Variants in ENO2 observed in about 807,000 individuals in gnomAD.
The protein encoded by ENO2 is enolase 2.
A neutral mutation model predicts 48.7 loss-of-function variants in ENO2; 19 were observed. That is an observed-to-expected ratio of 0.39 (90% CI 0.27 to 0.57). ENO2 has a LOEUF of 0.57. ENO2 is among the 20% of genes least tolerant of loss of function. The pLI is 0.58. For synonymous variants in ENO2, 198 were observed against 213.4 expected (o/e 0.93, Z 0.63); for missense variants, 416 against 555.0 (o/e 0.75, Z 2.52).
chr12:6,921,783 G>A lies in ENO2; in HGVS notation c.1067+1G>A, dbSNP rs955399622. 10 of 1,613,938 alleles carry A rather than the reference G, an allele frequency of 6.2e-6. No homozygotes were observed. Among genetic ancestry groups the A allele is most frequent in the Admixed American group, 1.7e-5 (1 of 59,992 alleles). On this transcript the variant is annotated splice_donor_variant, in intron 9 of 11. Transcript: ENST00000229277. LOFTEE classifies it high-confidence loss of function. ...GCTCGGTCACTGAAGCCATCCAAGC[G>A]TGAGTGACTTCTGGCCCTCTCCTGT...
intron 2 of ENO2, 69 bp downstream of exon 2, chr12:6,915,986 G>T: frequency 6.4e-7 from 1 of 1,555,812 alleles, no homozygotes; most frequent in Non-Finnish European, 8.9e-7. Context: ...TCGGCCAGGG[G>T]TTCGGAGGCC....
rs1555141607 is a variant in ENO2 at position 6,916,445 on chromosome 12, A to G, written c.114A>G (p.Gly38=). ...KGLFRAAVPS[G]ASTGIYEALE... is the part of the protein sequence containing the mutation. ...TTTTCCGGGCTGCAGTGCCCAGTGGAGCCTCTACGGGCATCTATGAGGCCC... is the reference window on the plus strand; with the variant it reads ...TTTTCCGGGCTGCAGTGCCCAGTGGGGCCTCTACGGGCATCTATGAGGCCC... Residue 38 remains glycine, a synonymous_variant, in exon 3 of 12, where the codon GGA becomes GGG. Coordinates refer to ENST00000229277, the MANE Select transcript of ENO2 (RefSeq NM_001975.3). The surrounding 1 kb of genome is among the most constrained non-coding windows in gnomAD (Gnocchi z 4.5). The G allele has an allele frequency of 1.9e-6, 3 of 1,613,752 alleles. No individual in the cohort carries two copies. Among genetic ancestry groups the G allele is most frequent in the Admixed American group, 1.7e-5 (1 of 59,958 alleles).
rs782566573 is a variant in ENO2 at position 6,919,802 on chromosome 12, G to A, written c.865+39G>A. The A allele has an allele frequency of 6.2e-6, 10 of 1,604,512 alleles. No individual in the cohort carries two copies. The African/African-American group carries it at 9.4e-5, about 15-fold the overall frequency. ...GTGTGAGGGGGAGGTCTGGGGGCAG[G>A]CAGGGACGTGTCCCAGCAACTCTGG... On this transcript the variant is annotated intron_variant, in intron 8 of 11. Transcript: ENST00000229277.
chr12:6,921,744 G>A lies in ENO2; in HGVS notation c.1029G>A (p.Lys343=). Reference sequence around the variant, plus strand: ...AGGCCTGCAACTGTCTGCTGCTCAAGGTCAACCAGATCGGCTCGGTCACTG... The same window carrying A: ...AGGCCTGCAACTGTCTGCTGCTCAAAGTCAACCAGATCGGCTCGGTCACTG... ...EEKACNCLLL[K]VNQIGSVTEA... is the part of the protein sequence containing the mutation. Residue 343 remains lysine, a synonymous_variant, in exon 9 of 12, where the codon AAG becomes AAA. Coordinates refer to ENST00000229277, the MANE Select transcript of ENO2 (RefSeq NM_001975.3). 3 of 1,614,178 alleles carry A rather than the reference G, an allele frequency of 1.9e-6. No individual in the cohort carries two copies. Among genetic ancestry groups the A allele is most frequent in the Middle Eastern group, 1.6e-4 (1 of 6,062 alleles).
chr12:6,916,330 A>T lies in ENO2; in HGVS notation c.86-87A>T. ...GTGTGGGGAGAGAGCTAGATGTGGT[A>T]GGCAGGCAGTTTAGAGCCAGAAGGC... On this transcript the variant is annotated intron_variant, in intron 2 of 11. Transcript: ENST00000229277. This position sits in a 1 kb window ranked among gnomAD's most constrained non-coding sequence, Gnocchi z 4.5. 2 of 1,234,832 alleles carry T rather than the reference A, an allele frequency of 1.6e-6. No homozygotes were observed. The highest frequency in any genetic ancestry group is 2.3e-6 in the Non-Finnish European group (2 of 878,778). The allele number at this position is 1,234,832 out of a possible 1,614,324, so 76.5% of individuals were successfully genotyped here.
chr12:6,921,947 C>T, intron 9 of ENO2, 109 bp from the exon 10 acceptor site: 2 of 1,530,734 alleles, frequency 1.3e-6, no homozygotes, highest in Admixed American at 1.7e-5. Context: ...TCTCTGCTCC[C>T]CTCCCAGATA....
At chr12:6,921,415 C>A in intron 8 of ENO2, 166 bp from the exon 9 acceptor site, 2 of 634,416 alleles carry the variant, frequency 3.2e-6, no homozygotes, top group South Asian at 2.0e-5. Flanking sequence ...AGTTAAGAAT[C>A]AGTTAGGGCA....
intron 6 of ENO2, 97 bp from the exon 7 acceptor site, chr12:6,917,843 T>G (rs1945305864): frequency 6.5e-7 from 1 of 1,547,448 alleles, no homozygotes; most frequent in Non-Finnish European, 8.8e-7. Context: ...TGAGACTTAG[T>G]CCGGAAAGCT....
intron 7 of ENO2, 26 bp from the exon 8 acceptor site, chr12:6,919,540 A>G: frequency 2.5e-6 from 4 of 1,613,304 alleles, no homozygotes; most frequent in African/African-American, 1.3e-5. Context: ...TGCTTGTACT[A>G]TAATCTCACT....
chr12:6,915,942 C>G, intron 2 of ENO2, 25 bp downstream of exon 2: 2 of 1,612,890 alleles, frequency 1.2e-6, no homozygotes, highest in Non-Finnish European at 1.7e-6. Context: ...ATGGGCCTTC[C>G]TACAGCCCTA....
At chr12:6,921,814 C>G in intron 9 of ENO2, 32 bp downstream of exon 9, 1 of 1,610,754 alleles carries the variant, frequency 6.2e-7, no homozygotes, top group South Asian at 1.1e-5. Context: ...CCTGTGTGGT[C>G]CTCGTTTCTA....
chr12:6,917,838 C>A, intron 6 of ENO2, 102 bp from the exon 7 acceptor site: 1 of 1,572,916 alleles, frequency 6.4e-7, no homozygotes, highest in South Asian at 1.1e-5. Flanking sequence ...GGACGTGAGA[C>A]TTAGTCCGGA....
chr12:6,920,519 C>A (rs1241724647), intron 8 of ENO2, among the ~76,000 whole-genome samples: 2 of 151,806 alleles, frequency 1.3e-5, no homozygotes, highest in African/African-American at 4.8e-5. Context: ...TCTGCCTCAG[C>A]CTCCCGAATA....
rs782450771 is a variant in ENO2, at chr12:6,917,721, A to T, written c.444+7A>T. The T allele has an allele frequency of 6.8e-7, 1 of 1,463,910 alleles. No individual in the cohort carries two copies. The highest frequency in any genetic ancestry group is 9.0e-7 in the Non-Finnish European group (1 of 1,111,448). The allele number at this position is 1,463,910 out of a possible 1,614,324, so 90.7% of individuals were successfully genotyped here. On this transcript the variant is annotated splice_region_variant and intron_variant, in intron 6 of 11. Transcript: ENST00000229277. ...CCTCATCCTGCCTGTGCCGGTGAGCAATAAGCCAGCCTGCGGCTCTCCCAG... is the reference window on the plus strand; with the variant it reads ...CCTCATCCTGCCTGTGCCGGTGAGCTATAAGCCAGCCTGCGGCTCTCCCAG...
intron 8 of ENO2, among the ~76,000 whole-genome samples, chr12:6,921,086 G>A (rs1945336862): frequency 6.6e-6 from 1 of 152,002 alleles, no homozygotes; most frequent in South Asian, 2.1e-4. Context: ...GCCTCTCCAT[G>A]TAAGGTTTTA....
chr12:6,914,878 C>T lies in ENO2; in HGVS notation c.-13+219C>T, dbSNP rs1945272826. The stretch of plus-strand genomic sequence containing the variant: ...CTCTGCGCGCCTATCTCTAACTGCG[C>T]CTCTCCACCCTTGCCTGCCTCTCTC... On this transcript the variant is annotated intron_variant, in intron 1 of 11. Coordinates refer to ENST00000229277, the MANE Select transcript of ENO2 (RefSeq NM_001975.3). This position sits in a 1 kb window ranked among gnomAD's most constrained non-coding sequence, Gnocchi z 7.1. Among the ~76,000 whole-genome samples the T allele has an allele frequency of 6.6e-6, 1 of 152,164 alleles. No individual in the cohort carries two copies. Among genetic ancestry groups the T allele is most frequent in the Non-Finnish European group, 1.5e-5 (1 of 68,012 alleles).
In ENO2 at chr12:6,916,581, C is replaced by T; in HGVS notation, c.181+69C>T. 6.2e-7 allele frequency: 1 copy of T among 1,611,296 alleles called. No individual in the cohort carries two copies. The highest frequency in any genetic ancestry group is 8.5e-7 in the Non-Finnish European group (1 of 1,177,670). ...TATGCCCCTACCTCACACCAGTCCC[C>T]AGTCCTCCTCTAGCATGGCTTCCCC... On this transcript the variant is annotated intron_variant, in intron 3 of 11. Transcript: ENST00000229277. The surrounding 1 kb of genome is among the most constrained non-coding windows in gnomAD (Gnocchi z 4.5).
intron 2 of ENO2, 67 bp downstream of exon 2, chr12:6,915,984 G>T: frequency 6.4e-7 from 1 of 1,564,910 alleles, no homozygotes; most frequent in Non-Finnish European, 8.8e-7. Context: ...GTTCGGCCAG[G>T]GGTTCGGAGG....
chr12:6,922,508 G>A lies in ENO2; in HGVS notation c.1235+106G>A. 1 of 1,460,748 alleles carries A rather than the reference G, an allele frequency of 6.8e-7. No homozygotes were observed. Among genetic ancestry groups the A allele is most frequent in the East Asian group, 2.3e-5 (1 of 44,144 alleles). 90.5% of individuals were successfully genotyped at this position (1,460,748 alleles called of 1,614,324 possible). A position where few individuals can be genotyped will look rare whatever the true frequency, so the allele number is the denominator to read the frequency against. ...GGCCTGGATAACAGTCCATTTCCTG[G>A]ATAACAGTCCAACAGATAATATTGG... On this transcript the variant is annotated intron_variant, in intron 11 of 11. Coordinates refer to ENST00000229277, the MANE Select transcript of ENO2 (RefSeq NM_001975.3). This position sits in a 1 kb window ranked among gnomAD's most constrained non-coding sequence, Gnocchi z 5.3.
Sources: allele counts gnomAD v4.1 joint callset (sites outside exome capture counted in the v4.1 genomes callset), GRCh38; gene constraint gnomAD v4.1.1; non-coding constraint Gnocchi (gnomAD v3.1); transcripts MANE v1.5; gene names NCBI Gene and HGNC (gene_info 2026-07-23, HGNC 2026-07-21).